Variants in DUSP19 observed in about 807,000 individuals in gnomAD.
DUSP19 encodes dual specificity phosphatase 19, also known as dual specificity protein phosphatase 19.
A neutral mutation model predicts 16.6 loss-of-function variants in DUSP19; 14 were observed. That is an observed-to-expected ratio of 0.84 (90% CI 0.56 to 1.32). The LOEUF (loss-of-function observed/expected upper bound fraction) is 1.32. Ranked by LOEUF, DUSP19 falls within the 40% of genes most tolerant of loss-of-function variation. The pLI, the probability that DUSP19 is intolerant of heterozygous loss-of-function variation, is 0.00. For synonymous variants in DUSP19, 81 were observed against 90.5 expected, an observed-to-expected ratio of 0.90 and a Z score of 0.59; for missense variants, 258 against 255.9, an observed-to-expected ratio of 1.01 and a Z score of -0.06.
At chr2:183,082,419 C>CTTTTTTTTT (rs71008260) in intron 1 of DUSP19, among the ~76,000 whole-genome samples, 32 of 84,828 alleles carry the variant, frequency 3.8e-4, no homozygotes, top group African/African-American at 7.4e-4. Context: ...GAACATTTTT[C>CTTTTTTTTT]TTTTTTTTTT....
chr2:183,094,062 A>G (rs1396407576), intron 3 of DUSP19, among the ~76,000 whole-genome samples: 3 of 152,312 alleles, frequency 2.0e-5, no homozygotes, highest in African/African-American at 7.2e-5. Context: ...AAGTTTGAAA[A>G]TGAGTCATAA....
intron 2 of DUSP19, among the ~76,000 whole-genome samples, chr2:183,084,242 T>A (rs974724317): frequency 2.0e-5 from 3 of 151,932 alleles, no homozygotes; most frequent in Admixed American, 2.0e-4. Context: ...CAGGGGAGAC[T>A]TCCTGGAGGA....
intron 3 of DUSP19, among the ~76,000 whole-genome samples, chr2:183,089,160 C>T (rs1476886457): frequency 1.5e-4 from 23 of 152,124 alleles, no homozygotes; most frequent in Admixed American, 1.5e-3. Context: ...GGTACAATCT[C>T]TAGGCAGTGA....
chr2:183,084,307 A>T (rs1039708222), intron 2 of DUSP19, among the ~76,000 whole-genome samples: 4 of 152,042 alleles, frequency 2.6e-5, no homozygotes, highest in Non-Finnish European at 5.9e-5. Context: ...ACAGCCTGTA[A>T]TCCCAAGGCT....
intron 2 of DUSP19, among the ~76,000 whole-genome samples, chr2:183,086,337 T>C (rs1462787781): frequency 6.6e-6 from 1 of 152,114 alleles, no homozygotes; most frequent in African/African-American, 2.4e-5. Context: ...AGTTTTTATA[T>C]GGATATTCAC....
intron 1 of DUSP19, chr2:183,083,262 G>T (rs1699617829): frequency 2.5e-6 from 1 of 401,906 alleles, no homozygotes; most frequent in Non-Finnish European, 4.4e-6. Context: ...CAATACTATG[G>T]TGAACATCCT....
chr2:183,080,106 A>C (rs1459636697), intron 1 of DUSP19, among the ~76,000 whole-genome samples: 1 of 152,190 alleles, frequency 6.6e-6, no homozygotes. Flanking sequence ...AGACGTATGC[A>C]TCAAGCCCAA....
In DUSP19 at chr2:183,095,418, T is replaced by TG. The variant is rs756565339; in HGVS notation, c.427-13_427-12insG. ...TGAATAATGAAGATTTTTGTTTGTT[T>TG]TTTTTTTTGTAGGATGGAGTGGTTC... On this transcript the variant is annotated splice_polypyrimidine_tract_variant and intron_variant, in intron 3 of 3. Transcript: ENST00000354221. The TG allele has an allele frequency of 3.1e-5, 48 of 1,572,310 alleles. No individual in the cohort carries two copies. In the African/African-American group the frequency reaches 4.5e-4, roughly 15 times the overall value.
In DUSP19 at chr2:183,078,847, T is replaced by C; in HGVS notation, c.-87T>C. 1.6e-6 allele frequency: 2 copies of C among 1,263,468 alleles called. No homozygotes were observed. Among genetic ancestry groups the C allele is most frequent in the Non-Finnish European group, 2.2e-6 (2 of 903,276 alleles). The allele number at this position is 1,263,468 out of a possible 1,614,324, so 78.3% of individuals were successfully genotyped here. On this transcript the variant is annotated 5_prime_UTR_variant, in exon 1 of 4. Coordinates refer to ENST00000354221, the MANE Select transcript of DUSP19 (RefSeq NM_080876.4). ...GCGAGCACCTCTGAGGCTGGCTTTG[T>C]TACCTGGGCAATAAGGGACTAGCAG...
At chr2:183,085,933 G>A (rs904752510) in intron 2 of DUSP19, among the ~76,000 whole-genome samples, 4 of 125,306 alleles carry the variant, frequency 3.2e-5, no homozygotes, top group South Asian at 5.5e-4. Context: ...TGGCATGATC[G>A]TGGCTCACTG....
At chr2:183,082,507 T>G (rs1012605349) in intron 1 of DUSP19, among the ~76,000 whole-genome samples, 2 of 135,372 alleles carry the variant, frequency 1.5e-5, no homozygotes, top group Admixed American at 8.4e-5. Flanking sequence ...CACTGCAACC[T>G]CTGCCTCCCA....
chr2:183,082,212 G>A lies in DUSP19; in HGVS notation c.227-1296G>A, dbSNP rs559930629. On this transcript the variant is annotated intron_variant, in intron 1 of 3. Transcript: ENST00000354221. ...TGGTTTTTGTAATATCCTTTTTTAA[G>A]TTACAAAATAAAGAGATGTTTATTG... Among the ~76,000 whole-genome samples, 18 of 152,056 alleles carry A rather than the reference G, an allele frequency of 1.2e-4. No homozygotes were observed. The East Asian group carries it at 3.1e-3, about 26-fold the overall frequency.
At chr2:183,088,411 T>G (rs13019467) in intron 3 of DUSP19, among the ~76,000 whole-genome samples, 200 of 138,294 alleles carry the variant, frequency 1.4e-3, no homozygotes, top group East Asian at 4.4e-3. Flanking sequence ...TTTTTTTTTG[T>G]TTTTTTTTTT....
chr2:183,096,943 A>G lies in DUSP19; in HGVS notation c.*1285A>G, dbSNP rs1399020283. 2 of 152,208 alleles carry G rather than the reference A, an allele frequency of 1.3e-5. No individual in the cohort carries two copies. The highest frequency in any genetic ancestry group is 4.8e-5 in the African/African-American group (2 of 41,352). The allele number at this position is 152,208 out of a possible 1,614,324, so 9.4% of individuals were successfully genotyped here. ...TTTGAAGAACTGAGCTCTGTACATTATAAATTTGCTTAAAGATTTTGATTT... is the reference window on the plus strand; with the variant it reads ...TTTGAAGAACTGAGCTCTGTACATTGTAAATTTGCTTAAAGATTTTGATTT... On this transcript the variant is annotated 3_prime_UTR_variant, in exon 4 of 4. Transcript: ENST00000354221.
In DUSP19 at chr2:183,095,735, GTAGAC is replaced by G; in HGVS notation, c.*81_*85del. On this transcript the variant is annotated 3_prime_UTR_variant, in exon 4 of 4. Transcript: ENST00000354221. ...AGCCATCTTTTCCCTTTTTTGGAGA[GTAGAC>G]TAGCAAAACTCCCTTTTTTCTCTTG... is the stretch of plus-strand genomic sequence containing the variant. The G allele has an allele frequency of 8.4e-7, 1 of 1,191,928 alleles. No homozygotes were observed. The allele number at this position is 1,191,928 out of a possible 1,614,324, so 73.8% of individuals were successfully genotyped here.
chr2:183,078,763 A>C lies in DUSP19; in HGVS notation c.-171A>C, dbSNP rs1251183243. ...TTTCGCCTTACATTGCATCGCTGGGATAAACGGAGCTGGACGACTCAGTCT... is the reference window on the plus strand; with the variant it reads ...TTTCGCCTTACATTGCATCGCTGGGCTAAACGGAGCTGGACGACTCAGTCT... On this transcript the variant is annotated 5_prime_UTR_variant, in exon 1 of 4. Transcript: ENST00000354221. 3 of 612,074 alleles carry C rather than the reference A, an allele frequency of 4.9e-6. No individual in the cohort carries two copies. Among genetic ancestry groups the C allele is most frequent in the Admixed American group, 6.0e-5 (2 of 33,196 alleles). The allele number at this position is 612,074 out of a possible 1,614,324, so 37.9% of individuals were successfully genotyped here.
intron 3 of DUSP19, among the ~76,000 whole-genome samples, chr2:183,094,285 T>G (rs1001775193): frequency 7.2e-5 from 11 of 152,198 alleles, no homozygotes; most frequent in African/African-American, 2.7e-4. Context: ...GAAAACTGCC[T>G]TGCAGAAGTA....
At chr2:183,083,472 AT>A (rs757443232) in intron 1 of DUSP19, 35 bp from the exon 2 acceptor site, 4 of 1,551,496 alleles carry the variant, frequency 2.6e-6, no homozygotes, top group Non-Finnish European at 3.5e-6. Flanking sequence ...AGATGATTAT[AT>A]TTGTGTTCAA....
At position 183,097,680 on chromosome 2, in the gene DUSP19, C is replaced by T. The variant is rs1259603168; in HGVS notation, c.*2022C>T. On this transcript the variant is annotated 3_prime_UTR_variant, in exon 4 of 4. Transcript: ENST00000354221. ...AGCCAACCAAGGCAGGCAGAACCCT[C>T]TTAAATATGAGACTGATGTATAGGT... 6.6e-6 allele frequency: 1 copy of T among 152,172 alleles called. No homozygotes were observed. Among genetic ancestry groups the T allele is most frequent in the African/African-American group, 2.4e-5 (1 of 41,442 alleles). The allele number at this position is 152,172 out of a possible 1,614,324, so 9.4% of individuals were successfully genotyped here.
Sources: gnomAD v4.1 joint callset for allele counts (sites outside exome capture counted in the v4.1 genomes callset) on GRCh38, gnomAD v4.1.1 for gene constraint, MANE v1.5 for transcripts, NCBI Gene and HGNC (gene_info 2026-07-23, HGNC 2026-07-21) for gene names.